The following SPANXN3 variants were observed in gnomAD, a reference collection of about 807,000 sequenced individuals.
SPANXN3 encodes SPANX family member N3, also known as sperm protein associated with the nucleus on the X chromosome N3.
In SPANXN3, 1 loss-of-function variant was observed where a neutral mutation model predicts 1.9. That is an observed-to-expected ratio of 0.54 (90% CI 0.19 to 2.54). The LOEUF (loss-of-function observed/expected upper bound fraction) is 2.54, where lower values mean the gene tolerates loss of function less well. Ranked by LOEUF, SPANXN3 falls within the 30% of genes most tolerant of loss-of-function variation. The pLI, the probability that SPANXN3 is intolerant of heterozygous loss-of-function variation, is 0.24. For synonymous variants in SPANXN3, 47 were observed against 40.0 expected (o/e 1.17, Z -0.66); for missense variants, 113 against 96.2 (o/e 1.17, Z -0.73).
chrX:143,515,286 C>G (rs1404048827), intron 1 of SPANXN3, among the ~76,000 whole-genome samples: 3 of 110,946 alleles, frequency 2.7e-5, no homozygotes, highest in African/African-American at 9.8e-5. Context: ...GCACCAGACC[C>G]ACATCTAGAA....
chrX:143,515,457 G>A (rs782704594), intron 1 of SPANXN3, among the ~76,000 whole-genome samples: 1 of 110,786 alleles, frequency 9.0e-6, no homozygotes, highest in African/African-American at 3.3e-5. Context: ...ATCTTTCCTG[G>A]CTACCCTTCC....
At chrX:143,511,889 C>T (rs782383204) in intron 1 of SPANXN3, among the ~76,000 whole-genome samples, 2 of 111,415 alleles carry the variant, frequency 1.8e-5, no homozygotes, top group Non-Finnish European at 3.8e-5. Flanking sequence ...ATCACCACCT[C>T]GGAACCCAGG....
intron 1 of SPANXN3, among the ~76,000 whole-genome samples, chrX:143,511,005 T>C (rs782553919): frequency 8.9e-6 from 1 of 112,195 alleles, no homozygotes; most frequent in South Asian, 3.7e-4. Context: ...TCAAGTTCCC[T>C]AGCTGACTTC....
At chrX:143,510,499 C>G (rs1929066887) in intron 1 of SPANXN3, among the ~76,000 whole-genome samples, 1 of 111,675 alleles carries the variant, frequency 9.0e-6, no homozygotes, top group Non-Finnish European at 1.9e-5. Flanking sequence ...TTCTGGGGTA[C>G]TCACTTTCCC....
intron 1 of SPANXN3, among the ~76,000 whole-genome samples, chrX:143,514,745 C>T (rs1214375927): frequency 8.9e-6 from 1 of 111,759 alleles, no homozygotes; most frequent in Non-Finnish European, 1.9e-5. Context: ...ATTTGTTTCA[C>T]AGTTTAACCA....
intron 1 of SPANXN3, among the ~76,000 whole-genome samples, chrX:143,512,032 A>T (rs1929103298): frequency 9.0e-6 from 1 of 111,227 alleles, no homozygotes; most frequent in Admixed American, 9.6e-5. Flanking sequence ...GAATCAATAA[A>T]ATCCCCTCTA....
chrX:143,510,886 C>T (rs1218772966), intron 1 of SPANXN3, among the ~76,000 whole-genome samples: 2 of 110,047 alleles, frequency 1.8e-5, no homozygotes, highest in Non-Finnish European at 3.8e-5. Context: ...CCACCTCAAA[C>T]CAGGTCTCAC....
Position 143,509,077 on chromosome X carries a change from T to A in SPANXN3, c.164A>T (p.Tyr55Phe), listed in dbSNP as rs1462919782. The change falls in exon 2 of 2, where the codon TAT becomes TTT. Residue 55 changes from tyrosine to phenylalanine, a missense_variant. Coordinates refer to ENST00000370503, the MANE Select transcript of SPANXN3 (RefSeq NM_001009609.4). ...TATTTTCTTACCCTTCCTGAGGTAA[T>A]ACACAAATATTATTGGATATTCTGA... ...KTSEYPIIFVYYLRKGKKINS... is the reference protein window; with the variant it reads ...KTSEYPIIFVFYLRKGKKINS... The A allele has an allele frequency of 1.7e-6, 2 of 1,210,108 alleles. No homozygotes were observed. The highest frequency in any genetic ancestry group is 3.5e-5 in the African/African-American group (2 of 57,241).
At chrX:143,512,008 G>A (rs781818358) in intron 1 of SPANXN3, among the ~76,000 whole-genome samples, 12 of 110,536 alleles carry the variant, frequency 1.1e-4, no homozygotes, top group Admixed American at 3.8e-4. Flanking sequence ...TCTGTTCTTC[G>A]ATCTCTATTG....
chrX:143,509,398 C>A (rs1929040574), intron 1 of SPANXN3, among the ~76,000 whole-genome samples: 1 of 111,157 alleles, frequency 9.0e-6, no homozygotes, highest in African/African-American at 3.3e-5. Flanking sequence ...ATGTTGCAGA[C>A]CTTGGTCAAA....
chrX:143,509,527 C>T, intron 1 of SPANXN3: 1 of 168,188 alleles, frequency 5.9e-6, no homozygotes, highest in East Asian at 1.4e-4. Context: ...TCCCCTTATT[C>T]TTTCATCTTC....
intron 1 of SPANXN3, among the ~76,000 whole-genome samples, chrX:143,515,989 C>T (rs1556412429): frequency 1.2e-4 from 3 of 25,722 alleles, no homozygotes; most frequent in Admixed American, 3.9e-4. Context: ...TGGAGCCGCT[C>T]TTCATATTAT....
intron 1 of SPANXN3, among the ~76,000 whole-genome samples, chrX:143,512,163 C>A (rs1427825961): frequency 1.1e-4 from 12 of 109,944 alleles, no homozygotes; most frequent in Non-Finnish European, 2.3e-4. Context: ...AAATTCCAGG[C>A]CTCCATGCAA....
Position 143,508,768 on chromosome X carries a change from C to T in SPANXN3, c.*47G>A, listed in dbSNP as rs781951768. ...TTAAACTTGATTTTATTGTAATCAT[C>T]GCCATCAGTGGTGATGATTTGTCCA... On this transcript the variant is annotated 3_prime_UTR_variant, in exon 2 of 2. Coordinates refer to ENST00000370503, the MANE Select transcript of SPANXN3 (RefSeq NM_001009609.4). 3.4e-5 allele frequency: 35 copies of T among 1,024,447 alleles called. No individual in the cohort carries two copies. Among genetic ancestry groups the T allele is most frequent in the South Asian group, 2.8e-4 (13 of 47,112 alleles). The allele number at this position is 1,024,447 out of a possible 1,213,427, so 84.4% of individuals were successfully genotyped here. A position where few individuals can be genotyped will look rare whatever the true frequency, so the allele number is the denominator to read the frequency against.
intron 1 of SPANXN3, among the ~76,000 whole-genome samples, chrX:143,515,504 T>C (rs1335696566): frequency 9.0e-6 from 1 of 111,448 alleles, no homozygotes; most frequent in African/African-American, 3.3e-5. Context: ...TTCGTCATAC[T>C]AATCCAGGAG....
At chrX:143,517,247 T>A (rs1556412797) in intron 1 of SPANXN3, 67 bp downstream of exon 1, 1 of 1,146,193 alleles carries the variant, frequency 8.7e-7, no homozygotes, top group Non-Finnish European at 1.2e-6. Context: ...TGTTGCTGTT[T>A]GAGCCACCCC....
chrX:143,514,772 G>C (rs1308468202), intron 1 of SPANXN3, among the ~76,000 whole-genome samples: 5 of 111,725 alleles, frequency 4.5e-5, no homozygotes, highest in African/African-American at 1.3e-4. Context: ...GGTAAAGGCT[G>C]TAAACATTAA....
chrX:143,514,431 A>G (rs1280168297), intron 1 of SPANXN3, among the ~76,000 whole-genome samples: 7 of 111,586 alleles, frequency 6.3e-5, no homozygotes, highest in African/African-American at 2.3e-4. Context: ...GCCAATCTGA[A>G]ATATATTACT....
chrX:143,509,380 T>C (rs1284125432), intron 1 of SPANXN3, among the ~76,000 whole-genome samples: 1 of 110,909 alleles, frequency 9.0e-6, no homozygotes, highest in African/African-American at 3.3e-5. Flanking sequence ...ATTTTGTAAG[T>C]TTTTGCTATG....
Sources: gnomAD v4.1 joint callset for allele counts (sites outside exome capture counted in the v4.1 genomes callset) on GRCh38, gnomAD v4.1.1 for gene constraint, MANE v1.5 for transcripts, NCBI Gene and HGNC (gene_info 2026-07-23, HGNC 2026-07-21) for gene names.